Variants in GPM6A observed in about 807,000 individuals in gnomAD.
GPM6A encodes glycoprotein M6A, also known as neuronal membrane glycoprotein M6-a.
GPM6A carries 7 observed loss-of-function variants against 32.1 expected under a neutral mutation model. The ratio of observed to expected loss-of-function variants is 0.22; its 90% CI spans 0.12 to 0.41. GPM6A has a LOEUF of 0.41. Ranked by LOEUF, GPM6A falls within the 10% of genes least tolerant of loss-of-function variation. The probability of loss-of-function intolerance (pLI) is 1.00; values close to 1 mark genes in which losing one functional copy is unlikely to be tolerated. For missense variants in GPM6A, 235 were observed against 347.2 expected (o/e 0.68, Z 2.57); for synonymous variants, 130 against 123.4 (o/e 1.05, Z -0.35).
At chr4:175,761,266 G>C (rs1172451899) in intron 1 of GPM6A, among the ~76,000 whole-genome samples, 1 of 152,108 alleles carries the variant, frequency 6.6e-6, no homozygotes, top group African/African-American at 2.4e-5. Context: ...GCCTGTTTTT[G>C]TATTTTTAGT....
Position 175,875,195 on chromosome 4 carries a change from G to A in GPM6A, c.-22-62946C>T, listed in dbSNP as rs760396807. Among the ~76,000 whole-genome samples the A allele has an allele frequency of 5.9e-5, 9 of 152,332 alleles. No homozygotes were observed. In the East Asian group the frequency reaches 1.2e-3, roughly 20 times the overall value. ...AGCTGTGCCCTGACAGGTTTCTGCC[G>A]AAGAATGATTCCCACAGCTCCCAGT... On this transcript the variant is annotated intron_variant, in intron 1 of 7. Coordinates refer to the GPM6A transcript ENST00000280187.
intron 3 of GPM6A, among the ~76,000 whole-genome samples, chr4:175,665,257 A>C (rs1292642381): frequency 1.3e-5 from 2 of 152,020 alleles, no homozygotes; most frequent in East Asian, 3.9e-4. Flanking sequence ...TTGCATGTTC[A>C]TCAATATGTA....
chr4:175,756,032 GAGA>G (rs770250226), intron 1 of GPM6A, among the ~76,000 whole-genome samples: 1 of 152,166 alleles, frequency 6.6e-6, no homozygotes, highest in East Asian at 1.9e-4. Context: ...AAGAGGAGGA[GAGA>G]AGATTTCAAG....
rs373314189 is a variant in GPM6A at position 175,701,197 on chromosome 4, CT to C, written c.230+377del. ...TTTAAAGGTGGGAGCACCCATGGAG[CT>C]TTGCTGATTTTCCTAAAATTAGTAG... On this transcript the variant is annotated intron_variant, in intron 2 of 6. Coordinates refer to ENST00000393658, the MANE Select transcript of GPM6A (RefSeq NM_201591.3). Among the ~76,000 whole-genome samples, 903 of 152,264 alleles carry C rather than the reference CT, an allele frequency of 5.9e-3. 10 individuals are homozygous for C. Among genetic ancestry groups the C allele is most frequent in the Middle Eastern group, 0.02 (6 of 294 alleles).
intron 1 of GPM6A, among the ~76,000 whole-genome samples, chr4:175,902,184 T>G (rs1475200462): frequency 6.6e-6 from 1 of 152,032 alleles, no homozygotes; most frequent in African/African-American, 2.4e-5. Context: ...ATTACTGATA[T>G]GGGGAACAAC....
intron 1 of GPM6A, chr4:175,800,987 G>T (rs2111303193): frequency 5.2e-6 from 1 of 193,172 alleles, no homozygotes; most frequent in South Asian, 7.2e-5. Flanking sequence ...GACAAGCAGG[G>T]TAAGTCTTAA....
chr4:175,811,070 G>A (rs1734899392), intron 1 of GPM6A, among the ~76,000 whole-genome samples: 2 of 151,954 alleles, frequency 1.3e-5, no homozygotes, highest in African/African-American at 4.8e-5. Flanking sequence ...GTGTGTGTGT[G>A]TATGCACCAT....
intron 1 of GPM6A, among the ~76,000 whole-genome samples, chr4:175,735,961 A>T (rs1290086709): frequency 6.6e-6 from 1 of 152,184 alleles, no homozygotes; most frequent in Non-Finnish European, 1.5e-5. Flanking sequence ...GCAGTCACAA[A>T]CCTTTCTAAA....
upstream of GPM6A, chr4:176,002,390 C>G: frequency 6.4e-7 from 1 of 1,551,634 alleles, no homozygotes; most frequent in Non-Finnish European, 8.7e-7. Context: ...GTTCTCCAAG[C>G]CGCGCTGAGG....
At chr4:175,643,041 A>G (rs1741242491) in intron 4 of GPM6A, among the ~76,000 whole-genome samples, 1 of 152,078 alleles carries the variant, frequency 6.6e-6, no homozygotes, top group Admixed American at 6.6e-5. Flanking sequence ...CGCAAACCCT[A>G]CATGCAATCT....
At chr4:175,884,045 T>C (rs1345215995) in intron 1 of GPM6A, among the ~76,000 whole-genome samples, 1 of 152,166 alleles carries the variant, frequency 6.6e-6, no homozygotes, top group African/African-American at 2.4e-5. Flanking sequence ...ACCTCAAAAA[T>C]AAGCTTTTCC....
intron 1 of GPM6A, among the ~76,000 whole-genome samples, chr4:175,886,947 A>G (rs1258706497): frequency 6.6e-6 from 1 of 152,084 alleles, no homozygotes; most frequent in Non-Finnish European, 1.5e-5. Context: ...GGAAAAGTAT[A>G]TATGCCAGGT....
chr4:175,937,446 T>C (rs1739276015), intron 1 of GPM6A, among the ~76,000 whole-genome samples: 1 of 152,264 alleles, frequency 6.6e-6, no homozygotes, highest in Middle Eastern at 3.4e-3. Context: ...AAAACTAAGT[T>C]ACAGAACAAG....
chr4:175,809,592 G>C (rs1311333886), intron 1 of GPM6A, among the ~76,000 whole-genome samples: 1 of 152,016 alleles, frequency 6.6e-6, no homozygotes, highest in African/African-American at 2.4e-5. Flanking sequence ...TTCACATCAG[G>C]CATGGGCTCA....
intron 2 of GPM6A, among the ~76,000 whole-genome samples, chr4:175,683,734 A>G (rs1743813517): frequency 6.6e-6 from 1 of 151,968 alleles, no homozygotes; most frequent in Non-Finnish European, 1.5e-5. Context: ...TTTGCCTCCC[A>G]CTATGATAGG....
intron 1 of GPM6A, among the ~76,000 whole-genome samples, chr4:175,970,165 C>T (rs1265156140): frequency 6.6e-6 from 1 of 152,114 alleles, no homozygotes; most frequent in Non-Finnish European, 1.5e-5. Context: ...CTATTTTGCC[C>T]TTGCACTTTG....
At chr4:175,705,826 G>C (rs1443384045) in intron 1 of GPM6A, among the ~76,000 whole-genome samples, 1 of 151,954 alleles carries the variant, frequency 6.6e-6, no homozygotes, top group Non-Finnish European at 1.5e-5. Context: ...TTTTTTTCTT[G>C]AGAAACTCTC....
upstream of GPM6A, chr4:175,813,164 T>A (rs2111334955): frequency 1.4e-6 from 1 of 719,776 alleles, no homozygotes; most frequent in Non-Finnish European, 1.7e-6. Context: ...AAGCTGCTGG[T>A]TTCCAATGAG....
chr4:175,769,070 G>A (rs1413029151), intron 1 of GPM6A, among the ~76,000 whole-genome samples: 2 of 152,060 alleles, frequency 1.3e-5, no homozygotes, highest in Non-Finnish European at 2.9e-5. Flanking sequence ...ACTCCAGCCT[G>A]GGCAGCAGAG....
Sources: allele counts gnomAD v4.1 joint callset (sites outside exome capture counted in the v4.1 genomes callset), GRCh38; gene constraint gnomAD v4.1.1; transcripts MANE v1.5; gene names NCBI Gene and HGNC (gene_info 2026-07-23, HGNC 2026-07-21).